The following ARIH2 variants were observed in gnomAD, a reference collection of about 807,000 sequenced individuals.
The protein encoded by ARIH2 is ariadne RBR E3 ubiquitin protein ligase 2.
A neutral mutation model predicts 79.8 loss-of-function variants in ARIH2; 12 were observed. The observed-to-expected ratio is 0.15, with a 90% CI of 0.10 to 0.24. The LOEUF (loss-of-function observed/expected upper bound fraction) is 0.24. Ranked by LOEUF, ARIH2 falls within the 10% of genes least tolerant of loss-of-function variation. The pLI is 1.00. For missense variants in ARIH2, 301 were observed against 618.3 expected (o/e 0.49, Z 5.44); for synonymous variants, 224 against 213.9 (o/e 1.05, Z -0.41).
intron 1 of ARIH2, chr3:48,921,441 T>C (rs2084808374): frequency 6.9e-6 from 1 of 145,540 alleles, no homozygotes; most frequent in Non-Finnish European, 1.5e-5. Flanking sequence ...CTTTTTTTTT[T>C]TTTTTTTTTT....
chr3:48,930,513 A>G (rs1052614869), intron 3 of ARIH2, among the ~76,000 whole-genome samples: 30 of 152,008 alleles, frequency 2.0e-4, no homozygotes, highest in Non-Finnish European at 3.5e-4. Flanking sequence ...TTTGGTAGAG[A>G]TGGGGTCTTG....
chr3:48,966,996 C>A, intron 5 of ARIH2, 129 bp from the exon 6 acceptor site: 1 of 982,872 alleles, frequency 1.0e-6, no homozygotes, highest in Non-Finnish European at 1.5e-6. Context: ...AGAGTCCACA[C>A]ATTGCAGTTG....
chr3:48,979,609 G>A lies in ARIH2; in HGVS notation c.1089G>A (p.Lys363=). ...AAGCCCAGGCGAGGGAAGCCCTCAA[G>A]AAGTACTTATTCTACTTTGAGAGGG... The part of the protein sequence containing the change: ...SQQAQAREAL[K]KYLFYFERWE... The change falls in exon 12 of 16, where the codon AAG becomes AAA. Residue 363 remains lysine, a synonymous_variant. Coordinates refer to ENST00000356401, the MANE Select transcript of ARIH2 (RefSeq NM_006321.4). The A allele has an allele frequency of 6.2e-7, 1 of 1,614,190 alleles. No homozygotes were observed. The highest frequency in any genetic ancestry group is 1.7e-4 in the Middle Eastern group (1 of 6,018).
chr3:48,950,279 G>C (rs1220541661), intron 3 of ARIH2, among the ~76,000 whole-genome samples: 4 of 151,634 alleles, frequency 2.6e-5, no homozygotes, highest in Non-Finnish European at 5.9e-5. Flanking sequence ...TTGTTCTATT[G>C]ATCTATAGGT....
chr3:48,975,117 G>A, intron 11 of ARIH2, 138 bp downstream of exon 11: 1 of 1,388,492 alleles, frequency 7.2e-7, no homozygotes, highest in Non-Finnish European at 9.9e-7. Flanking sequence ...ACAGTAACTG[G>A]CATAAAGTAG....
In ARIH2 at chr3:48,963,424, A is replaced by G. The variant is rs146002019; in HGVS notation, c.324-1495A>G. On this transcript the variant is annotated intron_variant, in intron 4 of 15. Transcript: ENST00000356401. The stretch of plus-strand genomic sequence containing the variant: ...GCCCCTCAATAAGGATAGCTGAGGG[A>G]AGCATTCTGACTAGGTAGAAATCAC... Among the ~76,000 whole-genome samples, 469 of 152,306 alleles carry G rather than the reference A, an allele frequency of 3.1e-3. 2 individuals are homozygous for G. The highest frequency in any genetic ancestry group is 0.011 in the African/African-American group (457 of 41,566).
intron 5 of ARIH2, 121 bp from the exon 6 acceptor site, chr3:48,967,004 T>G: frequency 9.3e-7 from 1 of 1,078,420 alleles, no homozygotes; most frequent in Non-Finnish European, 1.4e-6. Flanking sequence ...CACATTGCAG[T>G]TGAGCTCTGA....
chr3:48,976,211 CTTTT>C (rs755997240), intron 11 of ARIH2, among the ~76,000 whole-genome samples: 1 of 136,340 alleles, frequency 7.3e-6, no homozygotes, highest in Non-Finnish European at 1.6e-5. Flanking sequence ...CGAGCCTGTA[CTTTT>C]TTTTTTTTTT....
chr3:48,961,620 T>G lies in ARIH2; in HGVS notation c.264T>G (p.His88Gln). Residue 88 changes from histidine to glutamine, a missense_variant, in exon 4 of 16, where the codon CAT becomes CAG. Transcript: ENST00000356401. Reference protein sequence around the residue: ...TSLASVLKVSHSVAKLILVNF... With the variant: ...TSLASVLKVSQSVAKLILVNF... ...TTCTTTCTTCTTTCTAGGTATCTCATTCAGTTGCTAAACTTATATTAGTTA... is the reference window on the plus strand; with the variant it reads ...TTCTTTCTTCTTTCTAGGTATCTCAGTCAGTTGCTAAACTTATATTAGTTA... 1 of 1,599,874 alleles carries G rather than the reference T, an allele frequency of 6.3e-7. No individual in the cohort carries two copies.
At chr3:48,954,687 A>G (rs1180228092) in intron 3 of ARIH2, among the ~76,000 whole-genome samples, 2 of 152,162 alleles carry the variant, frequency 1.3e-5, no homozygotes, top group African/African-American at 4.8e-5. Flanking sequence ...TCTGGGGAAT[A>G]GTGGAAATGA....
At chr3:48,943,504 C>T (rs909893181) in intron 3 of ARIH2, 1 of 151,944 alleles carries the variant, frequency 6.6e-6, no homozygotes, top group African/African-American at 2.4e-5. Flanking sequence ...AGAGAATGGT[C>T]TTGGCGTATG....
intron 3 of ARIH2, among the ~76,000 whole-genome samples, chr3:48,928,829 G>GT (rs539239742): frequency 1.5e-3 from 210 of 144,318 alleles, no homozygotes; most frequent in Middle Eastern, 3.6e-3. Flanking sequence ...AAGCTAAGTT[G>GT]TTTTTTTTTT....
At chr3:48,960,994 C>CT (rs1208467216) in intron 3 of ARIH2, among the ~76,000 whole-genome samples, 4 of 152,136 alleles carry the variant, frequency 2.6e-5, no homozygotes, top group African/African-American at 9.7e-5. Context: ...TTCTGAGGTT[C>CT]TTTAGTAGCT....
chr3:48,931,987 T>G (rs1328556117), intron 3 of ARIH2, among the ~76,000 whole-genome samples: 1 of 152,150 alleles, frequency 6.6e-6, no homozygotes, highest in African/African-American at 2.4e-5. Context: ...CCAGCCTGGG[T>G]GACAGAGCAA....
chr3:48,973,116 G>C (rs2092327513), intron 8 of ARIH2, among the ~76,000 whole-genome samples: 1 of 152,194 alleles, frequency 6.6e-6, no homozygotes, highest in Non-Finnish European at 1.5e-5. Flanking sequence ...GTAGGTAAAG[G>C]TTCCACAAGC....
intron 9 of ARIH2, 25 bp from the exon 10 acceptor site, chr3:48,974,792 T>C: frequency 6.2e-7 from 1 of 1,612,304 alleles, no homozygotes; most frequent in Non-Finnish European, 8.5e-7. Context: ...TGTGTGAGCC[T>C]AATGGCACCC....
rs1352764853 is a variant in ARIH2 at position 48,923,878 on chromosome 3, A to G, written c.-98+1067A>G. On this transcript the variant is annotated intron_variant, in intron 2 of 15. Transcript: ENST00000356401. ...GCTGGGCACAGTGGCTCTTGCCTAT[A>G]ATCCCAGCGTTTTGTAAGGCCAACG... Among the ~76,000 whole-genome samples, 3 of 152,290 alleles carry G rather than the reference A, an allele frequency of 2.0e-5. No homozygotes were observed. The East Asian group carries it at 5.8e-4, about 29-fold the overall frequency.
At chr3:48,934,214 G>A (rs571420817) in intron 3 of ARIH2, 7 of 354,204 alleles carry the variant, frequency 2.0e-5, no homozygotes, top group Non-Finnish European at 2.4e-5. Flanking sequence ...CACTTGTAAC[G>A]TGATCAATTG....
At chr3:48,919,154 C>T (rs1300058571) in intron 1 of ARIH2, 156 bp downstream of exon 1, 1 of 1,301,214 alleles carries the variant, frequency 7.7e-7, no homozygotes, top group Non-Finnish European at 9.7e-7. Flanking sequence ...GAGCATTACC[C>T]GCCGTCAGCG....
Sources: gnomAD v4.1 joint callset for allele counts (sites outside exome capture counted in the v4.1 genomes callset) on GRCh38, gnomAD v4.1.1 for gene constraint, MANE v1.5 for transcripts, NCBI Gene and HGNC (gene_info 2026-07-23, HGNC 2026-07-21) for gene names.